Variants in MAN1C1 observed in about 807,000 individuals in gnomAD.
MAN1C1 encodes the protein mannosyl-oligosaccharide 1,2-alpha-mannosidase IC.
A neutral mutation model predicts 71.5 loss-of-function variants in MAN1C1; 49 were observed. The ratio of observed to expected loss-of-function variants is 0.69; its 90% confidence interval spans 0.54 to 0.87. The LOEUF is 0.87. Among genes scored for constraint, MAN1C1 ranks in the 40% least tolerant of loss-of-function variants. MAN1C1 has a pLI of 0.00. For synonymous variants in MAN1C1, 352 were observed against 343.7 expected, an observed-to-expected ratio of 1.02 and a Z score of -0.27; for missense variants, 743 against 835.0, an observed-to-expected ratio of 0.89 and a Z score of 1.36.
At chr1:25,664,262 T>TTG (rs1227465214) in intron 1 of MAN1C1, among the ~76,000 whole-genome samples, 33 of 136,886 alleles carry the variant, frequency 2.4e-4, no homozygotes, top group African/African-American at 6.7e-4. Context: ...CCCTACTAGT[T>TTG]TTTTTTTTTT....
chr1:25,678,870 G>A (rs184346332), intron 1 of MAN1C1, among the ~76,000 whole-genome samples: 128 of 152,304 alleles, frequency 8.4e-4, no homozygotes, highest in African/African-American at 3.0e-3. Flanking sequence ...AGAGAAAGAC[G>A]CCAAAATGGG....
intron 2 of MAN1C1, among the ~76,000 whole-genome samples, chr1:25,723,543 C>T (rs1041336432): frequency 6.6e-6 from 1 of 152,154 alleles, no homozygotes; most frequent in African/African-American, 2.4e-5. Context: ...CATCTTCTTC[C>T]CTGGTTGTTC....
intron 1 of MAN1C1, among the ~76,000 whole-genome samples, chr1:25,622,925 T>A (rs574126936): frequency 5.3e-5 from 8 of 152,226 alleles, no homozygotes; most frequent in Non-Finnish European, 1.0e-4. Flanking sequence ...GTAGGAAAAT[T>A]AAAAGGCTTT....
At chr1:25,670,400 G>T (rs1287509704) in intron 1 of MAN1C1, among the ~76,000 whole-genome samples, 1 of 152,200 alleles carries the variant, frequency 6.6e-6, no homozygotes, top group African/African-American at 2.4e-5. Context: ...TTGGGTAAAA[G>T]AACTGGTTCC....
At chr1:25,646,168 A>G (rs1158091531) in intron 1 of MAN1C1, 1 of 152,290 alleles carries the variant, frequency 6.6e-6, no homozygotes, top group African/African-American at 2.4e-5. Flanking sequence ...AGGTGCGGAA[A>G]GCTAACCGGA....
chr1:25,760,424 C>T (rs1324419813), intron 6 of MAN1C1: 1 of 152,186 alleles, frequency 6.6e-6, no homozygotes. Context: ...ATCTCTGTCT[C>T]CTCTACATTT....
intron 7 of MAN1C1, among the ~76,000 whole-genome samples, chr1:25,767,369 C>T (rs1361979681): frequency 4.1e-5 from 4 of 97,826 alleles, no homozygotes; most frequent in African/African-American, 1.8e-4. Flanking sequence ...CCCTCACATA[C>T]GTCCACACTC....
intron 2 of MAN1C1, among the ~76,000 whole-genome samples, chr1:25,741,717 C>T: frequency 6.6e-6 from 1 of 152,152 alleles, no homozygotes; most frequent in East Asian, 1.9e-4. Context: ...GGGCTCTAAG[C>T]CGGACATCAG....
At chr1:25,692,808 G>A (rs1302999436) in intron 2 of MAN1C1, among the ~76,000 whole-genome samples, 1 of 152,206 alleles carries the variant, frequency 6.6e-6, no homozygotes, top group Non-Finnish European at 1.5e-5. Flanking sequence ...GGGAAGGCAT[G>A]TGATTCGTGG....
At chr1:25,622,788 A>G (rs2045234329) in intron 1 of MAN1C1, among the ~76,000 whole-genome samples, 1 of 152,226 alleles carries the variant, frequency 6.6e-6, no homozygotes, top group Non-Finnish European at 1.5e-5. Flanking sequence ...GATATGTGAC[A>G]GTGTCTGAAT....
intron 2 of MAN1C1, among the ~76,000 whole-genome samples, chr1:25,724,366 G>A (rs2046806469): frequency 6.6e-6 from 1 of 152,104 alleles, no homozygotes; most frequent in Non-Finnish European, 1.5e-5. Context: ...TTGTGCCTGG[G>A]GGCAGCTGAC....
chr1:25,708,976 A>C (rs1236310543), intron 2 of MAN1C1, among the ~76,000 whole-genome samples: 2 of 152,072 alleles, frequency 1.3e-5, no homozygotes, highest in South Asian at 2.1e-4. Flanking sequence ...TGGCACTTGC[A>C]TTTTCCTGAG....
Position 25,617,261 on chromosome 1 carries a change from G to T in MAN1C1, c.-537G>T, listed in dbSNP as rs2045113362. ...TCGCGACCGGGCCGGGTGTGCGCGC[G>T]CTCGGGGCGGCGCTGACACGCCAGC... is the stretch of plus-strand genomic sequence containing the variant. On this transcript the variant is annotated 5_prime_UTR_variant, in exon 1 of 12. Coordinates refer to ENST00000374332, the MANE Select transcript of MAN1C1 (RefSeq NM_020379.4). The surrounding 1 kb of genome is among the most constrained non-coding windows in gnomAD (Gnocchi z 5.1). Among the ~76,000 whole-genome samples the T allele has an allele frequency of 1.3e-5, 2 of 151,860 alleles. No homozygotes were observed. The highest frequency in any genetic ancestry group is 2.9e-5 in the Non-Finnish European group (2 of 67,928).
intron 2 of MAN1C1, among the ~76,000 whole-genome samples, chr1:25,703,744 C>T (rs555325312): frequency 1.4e-3 from 214 of 152,292 alleles, no homozygotes; most frequent in African/African-American, 4.8e-3. Flanking sequence ...AATGAGGTGT[C>T]CTCTGGCCAT....
At chr1:25,687,663 T>A (rs2046251400) in intron 2 of MAN1C1, among the ~76,000 whole-genome samples, 1 of 152,188 alleles carries the variant, frequency 6.6e-6, no homozygotes, top group African/African-American at 2.4e-5. Flanking sequence ...GTGACAGGAA[T>A]CTGCCCTCCT....
At chr1:25,734,079 G>A (rs1033164880) in intron 2 of MAN1C1, among the ~76,000 whole-genome samples, 3 of 151,886 alleles carry the variant, frequency 2.0e-5, no homozygotes, top group Non-Finnish European at 2.9e-5. Flanking sequence ...GATTACAGGC[G>A]TGAGCCACTG....
intron 1 of MAN1C1, among the ~76,000 whole-genome samples, chr1:25,652,400 G>A (rs1375451661): frequency 2.0e-5 from 3 of 152,190 alleles, no homozygotes; most frequent in East Asian, 3.9e-4. Flanking sequence ...GCGCTCTCCC[G>A]GGAAGTGAGA....
chr1:25,632,623 G>A (rs1429924680), intron 1 of MAN1C1, among the ~76,000 whole-genome samples: 1 of 152,116 alleles, frequency 6.6e-6, no homozygotes. Flanking sequence ...ACTTTTTGAT[G>A]TAGGCTTTTA....
Position 25,771,919 on chromosome 1 carries a change from G to T in MAN1C1, c.1257+147G>T. The T allele has an allele frequency of 3.2e-6, 2 of 633,410 alleles. 1 individual carries two copies. Among genetic ancestry groups the T allele is most frequent in the South Asian group, 3.7e-5 (2 of 53,442 alleles). 39.2% of individuals were successfully genotyped at this position (633,410 alleles called of 1,614,324 possible). On this transcript the variant is annotated intron_variant, in intron 8 of 11. Coordinates refer to ENST00000374332, the MANE Select transcript of MAN1C1 (RefSeq NM_020379.4). ...AATGAACCGGTGAGAAGATTGACAG[G>T]ACAGTCCCCTCCCAGCCAGGCATTT...
Sources: allele counts gnomAD v4.1 joint callset (sites outside exome capture counted in the v4.1 genomes callset), GRCh38; gene constraint gnomAD v4.1.1; non-coding constraint Gnocchi (gnomAD v3.1); transcripts MANE v1.5; gene names NCBI Gene and HGNC (gene_info 2026-07-23, HGNC 2026-07-21).